The following WDR33 variants were observed in gnomAD, a reference collection of about 807,000 sequenced individuals.
The protein encoded by WDR33 is WD repeat domain 33.
Under a neutral mutation model 164.9 loss-of-function variants are expected in WDR33, and 47 were observed. The ratio of observed to expected loss-of-function variants is 0.29; its 90% CI spans 0.23 to 0.36. WDR33 has a LOEUF of 0.36. Ranked by LOEUF, WDR33 falls within the 10% of genes least tolerant of loss-of-function variation. The pLI is 1.00. For synonymous variants in WDR33, 505 were observed against 589.0 expected (o/e 0.86, Z 2.06); for missense variants, 1,137 against 1,754.1 (o/e 0.65, Z 6.28).
rs1687317490 is a variant in WDR33 at position 127,750,696 on chromosome 2, A to ATGTG, written c.724+12365_724+12366insCACA. ...AAAAAAAATATATATATATATATATATATATATATATATATATGTATGTAT... is the reference window on the plus strand; with the variant it reads ...AAAAAAAATATATATATATATATATATGTGTATATATATATATATATGTATGTAT... On this transcript the variant is annotated intron_variant, in intron 7 of 21. Coordinates refer to ENST00000322313, the MANE Select transcript of WDR33 (RefSeq NM_018383.5). Among the ~76,000 whole-genome samples, 4 of 61,792 alleles carry ATGTG rather than the reference A, an allele frequency of 6.5e-5. 1 individual carries two copies. The highest frequency in any genetic ancestry group is 3.4e-4 in the African/African-American group (4 of 11,860). 40.5% of individuals were successfully genotyped at this position (61,792 alleles called of 152,430 possible). A position where few individuals can be genotyped will look rare whatever the true frequency, so the allele number is the denominator to read the frequency against.
rs1686510219 is a variant in WDR33, at chr2:127,724,252, T to C, written c.1196+81A>G. On this transcript the variant is annotated intron_variant, in intron 11 of 21. Coordinates refer to ENST00000322313, the MANE Select transcript of WDR33 (RefSeq NM_018383.5). The surrounding 1 kb of genome is among the most constrained non-coding windows in gnomAD (Gnocchi z 4.8). ...GTTGGAATATAAATTACTATATCAATCAACCAATAAAAATAAACACATACA... is the reference window on the plus strand; with the variant it reads ...GTTGGAATATAAATTACTATATCAACCAACCAATAAAAATAAACACATACA... 9.2e-7 allele frequency: 1 copy of C among 1,087,728 alleles called. No homozygotes were observed. The highest frequency in any genetic ancestry group is 2.2e-4 in the Middle Eastern group (1 of 4,636). The allele number at this position is 1,087,728 out of a possible 1,614,324, so 67.4% of individuals were successfully genotyped here.
chr2:127,778,256 G>A (rs1688252587), intron 1 of WDR33, among the ~76,000 whole-genome samples: 1 of 151,932 alleles, frequency 6.6e-6, no homozygotes, highest in African/African-American at 2.4e-5. Context: ...GGCCAACATG[G>A]CAAAACCCCA....
intron 1 of WDR33, among the ~76,000 whole-genome samples, chr2:127,788,789 G>A (rs1230829503): frequency 9.6e-4 from 142 of 147,366 alleles, no homozygotes; most frequent in African/African-American, 3.5e-3. Flanking sequence ...GGCTGGCCGG[G>A]CGGGGGGTTG....
At position 127,722,068 on chromosome 2, in the gene WDR33, T is replaced by G; in HGVS notation, c.1519-80A>C. ...AGAATGAGAAAACCACTCTACAATG[T>G]CATCTGCTCAATCTAACCTCTGAAC... On this transcript the variant is annotated intron_variant, in intron 14 of 21. Transcript: ENST00000322313. The surrounding 1 kb of genome is among the most constrained non-coding windows in gnomAD (Gnocchi z 5.1). 6.7e-7 allele frequency: 1 copy of G among 1,496,416 alleles called. No homozygotes were observed. Among genetic ancestry groups the G allele is most frequent in the Non-Finnish European group, 9.0e-7 (1 of 1,105,892 alleles). The allele number at this position is 1,496,416 out of a possible 1,614,324, so 92.7% of individuals were successfully genotyped here. A position where few individuals can be genotyped will look rare whatever the true frequency, so the allele number is the denominator to read the frequency against.
intron 1 of WDR33, among the ~76,000 whole-genome samples, chr2:127,780,582 G>T (rs1363002657): frequency 1.3e-5 from 2 of 152,210 alleles, no homozygotes; most frequent in Non-Finnish European, 2.9e-5. Flanking sequence ...AGTAGGTTTT[G>T]GCCAGGCACA....
Position 127,719,900 on chromosome 2 carries a change from C to T in WDR33, c.2125G>A (p.Gly709Ser). 6.2e-7 allele frequency: 1 copy of T among 1,613,904 alleles called. No individual in the cohort carries two copies. ...ATGTGACCCTGTGGGCCAGGTGGAC[C>T]CTGAGGACCCATATGACCTTGAGGA... ...SGPQGHMGPQ[G>S]PPGPQGHIGP... Residue 709 changes from glycine to serine, a missense_variant, in exon 16 of 22, where the codon GGT becomes AGT. Around this residue, in one of 9 missense-constraint regions of WDR33, gnomAD observed 867 missense variants for 1,073.0 expected, o/e 0.81. Transcript: ENST00000322313. This position sits in a 1 kb window ranked among gnomAD's most constrained non-coding sequence, Gnocchi z 6.5.
In WDR33 at chr2:127,755,594, G is replaced by A. The variant is rs140882375; in HGVS notation, c.724+7468C>T. 2.7e-3 allele frequency among the ~76,000 whole-genome samples: 416 copies of A among 152,282 alleles called. 4 individuals are homozygous for A. Among genetic ancestry groups the A allele is most frequent in the Non-Finnish European group, 1.5e-3 (103 of 68,020 alleles). ...AGTAAGGCTTTCTCCAAGCCTGCGC[G>A]TGCATGCATGTGTGCGTACCTGTGG... On this transcript the variant is annotated intron_variant, in intron 7 of 21. Transcript: ENST00000322313.
chr2:127,807,638 T>C (rs1324938399), intron 1 of WDR33, among the ~76,000 whole-genome samples: 1 of 152,060 alleles, frequency 6.6e-6, no homozygotes, highest in Non-Finnish European at 1.5e-5. Context: ...AGAATAGGAA[T>C]AGTGTGAAAG....
At chr2:127,796,523 C>A (rs1342183715) in intron 1 of WDR33, among the ~76,000 whole-genome samples, 3 of 151,952 alleles carry the variant, frequency 2.0e-5, no homozygotes, top group Non-Finnish European at 4.4e-5. Context: ...AGTTCAAGCC[C>A]AGCCTGAGCA....
chr2:127,776,704 A>G (rs60536916), intron 1 of WDR33, among the ~76,000 whole-genome samples: 1 of 152,340 alleles, frequency 6.6e-6, no homozygotes, highest in Admixed American at 6.5e-5. Context: ...TCTCAAAAAA[A>G]GAAAAAATAT....
At chr2:127,759,616 G>T (rs367873393) in intron 7 of WDR33, among the ~76,000 whole-genome samples, 1 of 152,146 alleles carries the variant, frequency 6.6e-6, no homozygotes, top group East Asian at 1.9e-4. Flanking sequence ...ACTTGAACCC[G>T]AGAGGCGGAG....
chr2:127,794,958 A>G (rs1688980835), intron 1 of WDR33, among the ~76,000 whole-genome samples: 1 of 151,926 alleles, frequency 6.6e-6, no homozygotes, highest in Non-Finnish European at 1.5e-5. Flanking sequence ...CAGTAGTTCA[A>G]GTCCTGAGCA....
intron 1 of WDR33, among the ~76,000 whole-genome samples, chr2:127,805,068 CTTTTTTTTTTTTTT>C (rs201681607): frequency 2.4e-5 from 2 of 84,380 alleles, no homozygotes; most frequent in Non-Finnish European, 4.4e-5. Flanking sequence ...GAAGTTTTTT[CTTTTTTTTTTTTTT>C]TTTTTTTTTT....
chr2:127,770,935 C>A lies in WDR33; in HGVS notation c.47G>T (p.Arg16Met). ...CTGTCGAGGTGCCTGGTGCTGGAAC[C>A]TTGGCATATGGAAAAAACGAGGAGG... ...GSPPRFFHMPRFQHQAPRQLF... is the reference protein window; with the variant it reads ...GSPPRFFHMPMFQHQAPRQLF... The change falls in exon 2 of 22, where the codon AGG (arginine) becomes ATG (methionine). Residue 16 changes from arginine to methionine, a missense_variant. Coordinates refer to ENST00000322313, the MANE Select transcript of WDR33 (RefSeq NM_018383.5). This position sits in a 1 kb window ranked among gnomAD's most constrained non-coding sequence, Gnocchi z 4.9. 6.2e-7 allele frequency: 1 copy of A among 1,614,110 alleles called. No individual in the cohort carries two copies.
At position 127,735,751 on chromosome 2, in the gene WDR33, T is replaced by C. The variant is rs1686822291; in HGVS notation, c.725-8974A>G. ...ACAGAGGATTTAAGATTTTAAAAAA[T>C]TAAGAAGCATAAGTAATCTGTGCTC... On this transcript the variant is annotated intron_variant, in intron 7 of 21. Coordinates refer to ENST00000322313, the MANE Select transcript of WDR33 (RefSeq NM_018383.5). The surrounding 1 kb of genome is among the most constrained non-coding windows in gnomAD (Gnocchi z 4.3). The C allele has an allele frequency of 1.0e-6, 1 of 985,378 alleles. No individual in the cohort carries two copies. The highest frequency in any genetic ancestry group is 1.2e-6 in the Non-Finnish European group (1 of 829,948). 61.0% of individuals were successfully genotyped at this position (985,378 alleles called of 1,614,324 possible).
At chr2:127,707,345 G>A (rs760548182) in intron 21 of WDR33, among the ~76,000 whole-genome samples, 8 of 152,002 alleles carry the variant, frequency 5.3e-5, no homozygotes, top group South Asian at 2.1e-4. Context: ...TGCACTCTCA[G>A]AAGATGACTG....
intron 4 of WDR33, among the ~76,000 whole-genome samples, chr2:127,767,588 G>A (rs187794686): frequency 0.076 from 11,521 of 152,024 alleles, 451 homozygotes; most frequent in Non-Finnish European, 0.091. Context: ...GGTGGCAGGC[G>A]CCTGTAGTCC....
chr2:127,805,907 T>G (rs973759567), intron 1 of WDR33, among the ~76,000 whole-genome samples: 17 of 151,626 alleles, frequency 1.1e-4, no homozygotes, highest in African/African-American at 3.9e-4. Flanking sequence ...AGTGTCGTCT[T>G]GAAGCTGGAG....
In WDR33 at chr2:127,710,357, G is replaced by A. The variant is rs1686128195; in HGVS notation, c.3309-501C>T. 6.6e-6 allele frequency among the ~76,000 whole-genome samples: 1 copy of A among 152,176 alleles called. No individual in the cohort carries two copies. The highest frequency in any genetic ancestry group is 2.4e-5 in the African/African-American group (1 of 41,436). On this transcript the variant is annotated intron_variant, in intron 18 of 21. Coordinates refer to ENST00000322313, the MANE Select transcript of WDR33 (RefSeq NM_018383.5). The surrounding 1 kb of genome is among the most constrained non-coding windows in gnomAD (Gnocchi z 4.4). Reference sequence around the variant, plus strand: ...GATGAACATTTATGACATATAATCAGAAAAATGGGGGCACAGATCGTGTCT... The same window carrying A: ...GATGAACATTTATGACATATAATCAAAAAAATGGGGGCACAGATCGTGTCT...
Sources: allele counts gnomAD v4.1 joint callset (sites outside exome capture counted in the v4.1 genomes callset), GRCh38; gene constraint gnomAD v4.1.1; regional missense constraint gnomAD v4.1.1; non-coding constraint Gnocchi (gnomAD v3.1); transcripts MANE v1.5; gene names NCBI Gene and HGNC (gene_info 2026-07-23, HGNC 2026-07-21).